The following TBCK variants were observed in gnomAD, a reference collection of about 807,000 sequenced individuals.
TBCK encodes the protein TBC domain-containing protein kinase-like protein.
A neutral mutation model predicts 113.4 loss-of-function variants in TBCK; 99 were observed. That is an observed-to-expected ratio of 0.87 (90% CI 0.74 to 1.03). The LOEUF (loss-of-function observed/expected upper bound fraction) is 1.03, where lower values mean the gene tolerates loss of function less well. Among genes scored for constraint, TBCK ranks in the 50% least tolerant of loss-of-function variants. The probability of loss-of-function intolerance (pLI) is 0.00; values close to 1 mark genes in which losing one functional copy is unlikely to be tolerated. For missense variants in TBCK, 1,045 were observed against 1,061.3 expected, an observed-to-expected ratio of 0.98 and a Z score of 0.21; for synonymous variants, 369 against 370.8, an observed-to-expected ratio of 1.00 and a Z score of 0.05.
intron 23 of TBCK, among the ~76,000 whole-genome samples, chr4:106,130,092 T>C (rs1349426854): frequency 6.6e-6 from 1 of 152,082 alleles, no homozygotes; most frequent in Non-Finnish European, 1.5e-5. Context: ...TGCTTTCATT[T>C]CCCCCCAAAG....
chr4:106,102,470 C>A (rs1741669753), intron 24 of TBCK, among the ~76,000 whole-genome samples: 1 of 152,024 alleles, frequency 6.6e-6, no homozygotes, highest in South Asian at 2.1e-4. Flanking sequence ...CTGAAGGGGG[C>A]TTGGTGGTAG....
At chr4:106,091,586 G>A (rs1740246391) in intron 25 of TBCK, among the ~76,000 whole-genome samples, 1 of 152,118 alleles carries the variant, frequency 6.6e-6, no homozygotes, top group Non-Finnish European at 1.5e-5. Context: ...CCTTTGCAGT[G>A]AGTGTTACAG....
intron 23 of TBCK, chr4:106,164,493 T>G (rs1326008660): frequency 6.6e-6 from 1 of 151,882 alleles, no homozygotes; most frequent in African/African-American, 2.4e-5. Flanking sequence ...AAAAAATGCT[T>G]GAAAAGCCAA....
chr4:106,176,490 T>C, intron 22 of TBCK, among the ~76,000 whole-genome samples: 1 of 152,142 alleles, frequency 6.6e-6, no homozygotes. Flanking sequence ...ATTACATCCA[T>C]GTTGTTGCAA....
chr4:106,264,511 G>T (rs191106686), intron 3 of TBCK, among the ~76,000 whole-genome samples: 3 of 152,056 alleles, frequency 2.0e-5, no homozygotes, highest in African/African-American at 7.2e-5. Context: ...AAGACGTAAG[G>T]CCCTTTAGGC....
intron 22 of TBCK, among the ~76,000 whole-genome samples, chr4:106,183,954 C>T (rs1752710813): frequency 6.6e-6 from 1 of 151,936 alleles, no homozygotes; most frequent in African/African-American, 2.4e-5. Context: ...TCCCTTTATG[C>T]TCCTAGCAGG....
intron 23 of TBCK, among the ~76,000 whole-genome samples, chr4:106,142,011 G>T (rs1178960240): frequency 7.1e-6 from 1 of 141,002 alleles, no homozygotes; most frequent in Non-Finnish European, 1.6e-5. Context: ...ATACATGTGG[G>T]AATCTAGTTT....
rs56317078 is a variant in TBCK at position 106,231,725 on chromosome 4, T to C, written c.1690+4A>G. ...ATGATTATTTAAATGTTAAAGAGGC[T>C]TACCTTCATTATTGAAGTTTAGATA... On this transcript the variant is annotated splice_donor_region_variant and intron_variant, in intron 18 of 25. Transcript: ENST00000394708. 6.2e-7 allele frequency: 1 copy of C among 1,607,150 alleles called. No individual in the cohort carries two copies. The highest frequency in any genetic ancestry group is 8.5e-7 in the Non-Finnish European group (1 of 1,175,836).
At chr4:106,083,304 C>G (rs561212469) in intron 25 of TBCK, among the ~76,000 whole-genome samples, 1 of 152,220 alleles carries the variant, frequency 6.6e-6, no homozygotes, top group African/African-American at 2.4e-5. Flanking sequence ...GCCCAAAACA[C>G]CGGCTGTGGC....
rs774689777 is a variant in TBCK at position 106,232,932 on chromosome 4, A to G, written c.1639+6T>C. On this transcript the variant is annotated splice_donor_region_variant and intron_variant, in intron 17 of 25. Coordinates refer to ENST00000394708, the MANE Select transcript of TBCK (RefSeq NM_001163435.3). Reference sequence around the variant, plus strand: ...CCAGAGGAGTTTTAATGACTACAAAAGTTACCTTGCCAATACACAAGATCA... The same window carrying G: ...CCAGAGGAGTTTTAATGACTACAAAGGTTACCTTGCCAATACACAAGATCA... The G allele has an allele frequency of 6.2e-7, 1 of 1,609,824 alleles. No individual in the cohort carries two copies. The highest frequency in any genetic ancestry group is 8.5e-7 in the Non-Finnish European group (1 of 1,177,776).
chr4:106,051,727 T>C (rs1734834705), intron 25 of TBCK, among the ~76,000 whole-genome samples: 1 of 151,830 alleles, frequency 6.6e-6, no homozygotes, highest in South Asian at 2.1e-4. Context: ...ATAAGCATAT[T>C]TGAGATGAAA....
chr4:106,106,430 G>A (rs1223452681), intron 24 of TBCK, among the ~76,000 whole-genome samples: 1 of 152,138 alleles, frequency 6.6e-6, no homozygotes, highest in Non-Finnish European at 1.5e-5. Flanking sequence ...TTCCCATCAG[G>A]CTAACAGCAG....
intron 21 of TBCK, 65 bp downstream of exon 21, chr4:106,194,653 G>T: frequency 8.3e-7 from 1 of 1,199,366 alleles, no homozygotes; most frequent in Non-Finnish European, 1.2e-6. Flanking sequence ...TATAAAATAT[G>T]GGGAGGCATC....
chr4:106,255,188 A>C (rs917503974), intron 5 of TBCK: 2 of 154,602 alleles, frequency 1.3e-5, no homozygotes, highest in Admixed American at 6.5e-5. Context: ...AAAAAGATTT[A>C]TATTTTTTCC....
chr4:106,148,738 T>A (rs1320611019), intron 23 of TBCK, among the ~76,000 whole-genome samples: 1 of 152,182 alleles, frequency 6.6e-6, no homozygotes, highest in Non-Finnish European at 1.5e-5. Flanking sequence ...GTATAATTCT[T>A]AAGAGCCCTA....
Position 106,142,551 on chromosome 4 carries a change from T to C in TBCK, c.2236-26173A>G, listed in dbSNP as rs543526872. Among the ~76,000 whole-genome samples the C allele has an allele frequency of 5.3e-5, 8 of 152,306 alleles. No homozygotes were observed. In the South Asian group the frequency reaches 1.7e-3, roughly 32 times the overall value. On this transcript the variant is annotated intron_variant, in intron 23 of 25. Coordinates refer to ENST00000394708, the MANE Select transcript of TBCK (RefSeq NM_001163435.3). ...TGGAATAAACAGGGCATTTACATAC[T>C]AGGATTTTAAAATCAGTAGACTCAC...
chr4:106,314,183 G>C (rs1473224384), intron 1 of TBCK, among the ~76,000 whole-genome samples: 2 of 152,160 alleles, frequency 1.3e-5, no homozygotes, highest in Non-Finnish European at 2.9e-5. Context: ...CCAGCTAAGA[G>C]AAAGTGGGCA....
chr4:106,191,160 T>C (rs1342132732), intron 22 of TBCK, among the ~76,000 whole-genome samples: 3 of 152,214 alleles, frequency 2.0e-5, no homozygotes, highest in Admixed American at 6.5e-5. Flanking sequence ...TTACATAGCA[T>C]TTCCATTGTA....
intron 20 of TBCK, among the ~76,000 whole-genome samples, chr4:106,207,716 C>T (rs377106972): frequency 8.5e-5 from 13 of 152,122 alleles, no homozygotes; most frequent in African/African-American, 2.9e-4. Context: ...TTATATTATC[C>T]ACAGGCTTGA....
Sources: gnomAD v4.1 joint callset for allele counts (sites outside exome capture counted in the v4.1 genomes callset) on GRCh38, gnomAD v4.1.1 for gene constraint, MANE v1.5 for transcripts, NCBI Gene and HGNC (gene_info 2026-07-23, HGNC 2026-07-21) for gene names.